Variants in AKAP12 observed in about 807,000 individuals in gnomAD.
AKAP12 encodes A-kinase anchoring protein 12.
AKAP12 carries 32 observed loss-of-function variants against 79.9 expected under a neutral mutation model. The ratio of observed to expected loss-of-function variants is 0.40; its 90% CI spans 0.30 to 0.54. AKAP12 has a LOEUF of 0.54. AKAP12 is among the 20% of genes least tolerant of loss of function. The pLI, the probability that AKAP12 is intolerant of heterozygous loss-of-function variation, is 0.48. For synonymous variants in AKAP12, 808 were observed against 857.0 expected, an observed-to-expected ratio of 0.94 and a Z score of 1.00; for missense variants, 2,074 against 2,177.0, an observed-to-expected ratio of 0.95 and a Z score of 0.94.
intron 2 of AKAP12, among the ~76,000 whole-genome samples, chr6:151,260,409 C>T (rs1257463242): frequency 6.6e-6 from 1 of 152,182 alleles, no homozygotes; most frequent in Non-Finnish European, 1.5e-5. Context: ...TGACAGGGGC[C>T]TTGGCTATGC....
chr6:151,263,639 C>G (rs1407601837), intron 2 of AKAP12, among the ~76,000 whole-genome samples: 1 of 151,960 alleles, frequency 6.6e-6, no homozygotes, highest in Non-Finnish European at 1.5e-5. Flanking sequence ...AGTGCAATGG[C>G]GTGATCTCTG....
intron 2 of AKAP12, among the ~76,000 whole-genome samples, chr6:151,270,304 C>G (rs1217141941): frequency 6.6e-6 from 1 of 152,160 alleles, no homozygotes. Context: ...GTGATCTGCC[C>G]GCCTCGGCCT....
At position 151,250,003 on chromosome 6, in the gene AKAP12, G is replaced by A. The variant is rs183030187; in HGVS notation, c.162+9279G>A. Among the ~76,000 whole-genome samples, 319 of 152,256 alleles carry A rather than the reference G, an allele frequency of 2.1e-3. 2 individuals are homozygous for A. Among genetic ancestry groups the A allele is most frequent in the Admixed American group, 3.6e-3 (55 of 15,286 alleles). On this transcript the variant is annotated intron_variant, in intron 2 of 4. Coordinates refer to ENST00000402676, the MANE Select transcript of AKAP12 (RefSeq NM_005100.4). ...CTCATGCCTATAATCCCAGCACTTC[G>A]GGAGGTGAGGGTGGGAGGATCACTT... is the stretch of plus-strand genomic sequence containing the variant.
At position 151,350,976 on chromosome 6, in the gene AKAP12, C is replaced by T. The variant is rs1778268243; in HGVS notation, c.2585C>T (p.Ala862Val). 1 of 1,613,968 alleles carries T rather than the reference C, an allele frequency of 6.2e-7. No homozygotes were observed. Among genetic ancestry groups the T allele is most frequent in the Non-Finnish European group, 8.5e-7 (1 of 1,179,990 alleles). The change falls in exon 4 of 5, where the codon GCA becomes GTA. Residue 862 changes from alanine (A) to valine (V), a missense_variant. Around this residue, in one of 3 missense-constraint regions of AKAP12, gnomAD observed 1,428 missense variants for 1,451.0 expected, o/e 0.98. Coordinates refer to ENST00000402676, the MANE Select transcript of AKAP12 (RefSeq NM_005100.4). This position sits in a 1 kb window ranked among gnomAD's most constrained non-coding sequence, Gnocchi z 4.8. ...YDAVEREKMEAQQAQKSAEQP... is the reference protein window; with the variant it reads ...YDAVEREKMEVQQAQKSAEQP... ...GCTGTAGAAAGGGAGAAAATGGAGG[C>T]ACAGCAAGCCCAAAAAAGCGCAGAG...
chr6:151,336,195 A>T (rs1263743997), intron 3 of AKAP12, among the ~76,000 whole-genome samples: 1 of 152,158 alleles, frequency 6.6e-6, no homozygotes, highest in African/African-American at 2.4e-5. Flanking sequence ...TGGTTCCATG[A>T]CTTTGCTAGT....
Position 151,349,838 on chromosome 6 carries a change from A to G in AKAP12, c.1447A>G (p.Ser483Gly), listed in dbSNP as rs1476082256. The G allele has an allele frequency of 1.2e-6, 2 of 1,614,192 alleles. No homozygotes were observed. The highest frequency in any genetic ancestry group is 1.7e-5 in the Admixed American group (1 of 60,024). ...GEDPTQGADLSPDEKVLSKPP... is the reference protein window; with the variant it reads ...GEDPTQGADLGPDEKVLSKPP... ...GGACCCTACACAGGGAGCTGACCTC[A>G]GTCCTGATGAGAAGGTGCTGTCCAA... The change falls in exon 4 of 5, where the codon AGT becomes GGT. Residue 483 changes from serine to glycine, a missense_variant. Physicochemically the swap from Ser to Gly is moderately conservative, Grantham distance 56. This residue lies in a region of AKAP12 where 1,428 missense variants were observed against 1,451.0 expected (regional missense o/e 0.98). Transcript: ENST00000402676.
At chr6:151,241,331 C>T (rs1399175621) in intron 2 of AKAP12, among the ~76,000 whole-genome samples, 1 of 152,220 alleles carries the variant, frequency 6.6e-6, no homozygotes, top group African/African-American at 2.4e-5. Context: ...TCGCTCAGAG[C>T]CAGGAAAAAC....
chr6:151,283,967 C>G (rs527420470), intron 2 of AKAP12, among the ~76,000 whole-genome samples: 35 of 152,350 alleles, frequency 2.3e-4, no homozygotes, highest in Non-Finnish European at 3.1e-4. Context: ...TGCTCTCCTT[C>G]AGCTCCTCTC....
rs151270116 is a variant in AKAP12, at chr6:151,340,874, G to A, written c.320-7837G>A. 5.7e-4 allele frequency among the ~76,000 whole-genome samples: 86 copies of A among 152,206 alleles called. 1 individual carries two copies. The highest frequency in any genetic ancestry group is 3.4e-4 in the Non-Finnish European group (23 of 68,014). ...GATTGTTTCCTCGTGATTAGATGCCGTTAAACATTTTGATCAGCAGAGCTG... is the reference window on the plus strand; with the variant it reads ...GATTGTTTCCTCGTGATTAGATGCCATTAAACATTTTGATCAGCAGAGCTG... On this transcript the variant is annotated intron_variant, in intron 3 of 4. Transcript: ENST00000402676.
At chr6:151,344,887 A>G (rs1778047801) in intron 3 of AKAP12, among the ~76,000 whole-genome samples, 1 of 152,162 alleles carries the variant, frequency 6.6e-6, no homozygotes, top group Non-Finnish European at 1.5e-5. Context: ...CCAAATAAGT[A>G]GTATGATGGC....
Position 151,240,671 on chromosome 6 carries a change from G to A in AKAP12, c.109G>A (p.Ala37Thr). 1.5e-6 allele frequency: 2 copies of A among 1,304,456 alleles called. No individual in the cohort carries two copies. The highest frequency in any genetic ancestry group is 1.9e-6 in the Non-Finnish European group (2 of 1,030,148). The allele number at this position is 1,304,456 out of a possible 1,614,324, so 80.8% of individuals were successfully genotyped here. ...CGGCGGCGGCCCCTCGGCCGAGGCG[G>A]CGCCAGACACCACCGCGGACCCCGC... ...PSGGGPSAEA[A>T]PDTTADPAIA... is the part of the protein sequence containing the mutation. Residue 37 changes from alanine to threonine, a missense_variant, in exon 2 of 5, where the codon GCG becomes ACG. Ala to Thr is a moderately conservative substitution (Grantham distance 58). Transcript: ENST00000402676.
chr6:151,253,951 T>G (rs1797241189), intron 2 of AKAP12, among the ~76,000 whole-genome samples: 2 of 152,102 alleles, frequency 1.3e-5, no homozygotes. Context: ...TCAGGTAATC[T>G]GCCTCCCTGG....
intron 3 of AKAP12, among the ~76,000 whole-genome samples, chr6:151,308,421 C>T (rs1164930399): frequency 6.6e-6 from 1 of 152,056 alleles, no homozygotes; most frequent in Non-Finnish European, 1.5e-5. Context: ...CCATGTTGGC[C>T]AGTATGGTCT....
chr6:151,302,880 C>A (rs1776891274), intron 2 of AKAP12, among the ~76,000 whole-genome samples: 1 of 152,178 alleles, frequency 6.6e-6, no homozygotes. Flanking sequence ...TGTGTACATA[C>A]TCAATGATAT....
intron 2 of AKAP12, among the ~76,000 whole-genome samples, chr6:151,251,817 T>C (rs974636362): frequency 1.3e-5 from 2 of 152,120 alleles, no homozygotes; most frequent in Non-Finnish European, 2.9e-5. Flanking sequence ...GCCAACATGG[T>C]GAAACCCTGT....
At chr6:151,272,358 AAC>A (rs1178926177) in intron 2 of AKAP12, among the ~76,000 whole-genome samples, 13 of 150,418 alleles carry the variant, frequency 8.6e-5, no homozygotes, top group African/African-American at 2.5e-4. Flanking sequence ...AAAAAAAAAA[AAC>A]AAAAAAAACA....
At position 151,287,898 on chromosome 6, in the gene AKAP12, G is replaced by A. The variant is rs143074097; in HGVS notation, c.163-17849G>A. On this transcript the variant is annotated intron_variant, in intron 2 of 4. Transcript: ENST00000402676. Reference sequence around the variant, plus strand: ...ACTATGCAGCCATAAGAAAGGACGAGTTCATGTCCTTTGCAGGGACATGGA... The same window carrying A: ...ACTATGCAGCCATAAGAAAGGACGAATTCATGTCCTTTGCAGGGACATGGA... Among the ~76,000 whole-genome samples, 1,002 of 152,298 alleles carry A rather than the reference G, an allele frequency of 6.6e-3. 15 individuals are homozygous for A. The highest frequency in any genetic ancestry group is 0.023 in the African/African-American group (960 of 41,562).
intron 2 of AKAP12, among the ~76,000 whole-genome samples, chr6:151,302,017 T>C (rs1405182388): frequency 6.8e-6 from 1 of 147,386 alleles, no homozygotes; most frequent in Non-Finnish European, 1.5e-5. Context: ...TCTTTTTTTT[T>C]TCTTTTTTTT....
intron 3 of AKAP12, among the ~76,000 whole-genome samples, chr6:151,313,750 C>T (rs1483788049): frequency 6.6e-6 from 1 of 152,180 alleles, no homozygotes; most frequent in South Asian, 2.1e-4. Context: ...AATTCTAGGG[C>T]GCTAGACACG....
Sources: gnomAD v4.1 joint callset for allele counts (sites outside exome capture counted in the v4.1 genomes callset) on GRCh38, gnomAD v4.1.1 for gene constraint, gnomAD v4.1.1 regional missense constraint, Gnocchi (gnomAD v3.1) non-coding constraint, MANE v1.5 for transcripts, NCBI Gene and HGNC (gene_info 2026-07-23, HGNC 2026-07-21) for gene names.